Variants in NYAP2 observed in about 807,000 individuals in gnomAD.
The protein encoded by NYAP2 is neuronal tyrosine-phosphorylated phosphoinositide-3-kinase adaptor 2.
NYAP2 carries 23 observed loss-of-function variants against 50.4 expected under a neutral mutation model. The ratio of observed to expected loss-of-function variants is 0.46; its 90% CI spans 0.33 to 0.65. NYAP2 has a LOEUF of 0.65. NYAP2 is among the 30% of genes least tolerant of loss of function. The pLI, the probability that NYAP2 is intolerant of heterozygous loss-of-function variation, is 0.02. For missense variants in NYAP2, 885 were observed against 861.0 expected (o/e 1.03, Z -0.35); for synonymous variants, 394 against 365.2 (o/e 1.08, Z -0.90).
intron 3 of NYAP2, among the ~76,000 whole-genome samples, chr2:225,455,397 A>T (rs562289065): frequency 1.5e-3 from 235 of 152,328 alleles, no homozygotes; most frequent in African/African-American, 5.5e-3. Flanking sequence ...TCAGCTATAC[A>T]TTATCCACTA....
At chr2:225,580,803 T>C (rs1692258305) in intron 4 of NYAP2, among the ~76,000 whole-genome samples, 1 of 152,178 alleles carries the variant, frequency 6.6e-6, no homozygotes, top group Non-Finnish European at 1.5e-5. Context: ...TTTCCCGATT[T>C]GTGCCTTGAG....
chr2:225,427,900 A>G (rs895918657), intron 3 of NYAP2, among the ~76,000 whole-genome samples: 1 of 152,150 alleles, frequency 6.6e-6, no homozygotes, highest in African/African-American at 2.4e-5. Context: ...ATTTTATTCC[A>G]AAACAAAAAA....
At chr2:225,542,687 G>A (rs960310529) in intron 4 of NYAP2, among the ~76,000 whole-genome samples, 10 of 152,038 alleles carry the variant, frequency 6.6e-5, no homozygotes, top group Non-Finnish European at 1.3e-4. Flanking sequence ...TTTTGTTGAG[G>A]ATTTTTGCAT....
chr2:225,484,586 G>A (rs1470579686), intron 3 of NYAP2, among the ~76,000 whole-genome samples: 1 of 152,208 alleles, frequency 6.6e-6, no homozygotes, highest in Admixed American at 6.5e-5. Flanking sequence ...AGGCTAAGGA[G>A]CCACTGGCTT....
At chr2:225,601,800 A>G (rs1252364238) in intron 5 of NYAP2, among the ~76,000 whole-genome samples, 10 of 152,108 alleles carry the variant, frequency 6.6e-5, no homozygotes, top group South Asian at 6.2e-4. Flanking sequence ...CCCTTATCAG[A>G]TATAATATGA....
intron 3 of NYAP2, among the ~76,000 whole-genome samples, chr2:225,499,880 GA>G (rs2106176895): frequency 6.6e-6 from 1 of 152,294 alleles, no homozygotes; most frequent in Admixed American, 6.5e-5. Flanking sequence ...GAGGGATAGA[GA>G]GAAACAGAGA....
At chr2:225,665,285 G>C in the NYAP2 span, among the ~76,000 whole-genome samples, 2 of 151,632 alleles carry the variant, frequency 1.3e-5, no homozygotes, top group Non-Finnish European at 2.9e-5. Context: ...TTTAGCACTT[G>C]TTACATGCCC....
the NYAP2 span, among the ~76,000 whole-genome samples, chr2:225,697,092 C>A: frequency 6.6e-6 from 1 of 151,824 alleles, no homozygotes; most frequent in South Asian, 2.1e-4. Flanking sequence ...TGGAAGCTTC[C>A]ACAACCTAGC....
chr2:225,545,290 C>T (rs1691553948), intron 4 of NYAP2, among the ~76,000 whole-genome samples: 1 of 152,156 alleles, frequency 6.6e-6, no homozygotes, highest in Non-Finnish European at 1.5e-5. Flanking sequence ...TTATCTCTTT[C>T]TCTACGTCCT....
chr2:225,593,534 G>A (rs1692548128), intron 5 of NYAP2, among the ~76,000 whole-genome samples: 1 of 152,064 alleles, frequency 6.6e-6, no homozygotes, highest in East Asian at 1.9e-4. Flanking sequence ...TTTCTCCATG[G>A]TGTTTTTCTT....
chr2:225,410,780 A>T (rs1264924557), intron 3 of NYAP2, among the ~76,000 whole-genome samples: 1 of 152,080 alleles, frequency 6.6e-6, no homozygotes, highest in Non-Finnish European at 1.5e-5. Flanking sequence ...AAAATGGCTA[A>T]TTTTTAGGTG....
At chr2:225,604,065 C>A (rs769692516) in intron 5 of NYAP2, among the ~76,000 whole-genome samples, 6 of 151,908 alleles carry the variant, frequency 3.9e-5, no homozygotes, top group Non-Finnish European at 8.8e-5. Context: ...ATTTAATTCA[C>A]AAAAAATAAA....
At chr2:225,620,129 C>T (rs1693064581) in intron 5 of NYAP2, among the ~76,000 whole-genome samples, 1 of 152,152 alleles carries the variant, frequency 6.6e-6, no homozygotes, top group African/African-American at 2.4e-5. Flanking sequence ...TTACTAAAAT[C>T]AATTTTGTTT....
At chr2:225,549,967 A>G (rs1691643675) in intron 4 of NYAP2, among the ~76,000 whole-genome samples, 1 of 152,030 alleles carries the variant, frequency 6.6e-6, no homozygotes, top group Non-Finnish European at 1.5e-5. Flanking sequence ...CCTGGGCAAC[A>G]GAGTGAGACT....
At chr2:225,420,745 G>A (rs73099729) in intron 3 of NYAP2, among the ~76,000 whole-genome samples, 1,608 of 151,442 alleles carry the variant, frequency 0.011, 35 homozygotes, top group African/African-American at 0.037. Context: ...GGAGTAGCTC[G>A]GACTACATAT....
intron 2 of NYAP2, among the ~76,000 whole-genome samples, chr2:225,404,638 C>T (rs1425303690): frequency 6.6e-6 from 1 of 151,842 alleles, no homozygotes; most frequent in Non-Finnish European, 1.5e-5. Flanking sequence ...TGGAAAGTGT[C>T]ACAGTATTAT....
chr2:225,694,934 GGAGT>G, the NYAP2 span, among the ~76,000 whole-genome samples: 1 of 151,368 alleles, frequency 6.6e-6, no homozygotes, highest in Non-Finnish European at 1.5e-5. Flanking sequence ...TAAATATTAT[GGAGT>G]AAGTCTGAAA....
chr2:225,440,478 C>T (rs769127853), intron 3 of NYAP2, among the ~76,000 whole-genome samples: 3 of 152,146 alleles, frequency 2.0e-5, no homozygotes, highest in Non-Finnish European at 2.9e-5. Flanking sequence ...CTTGGAGAAG[C>T]ATTGTGGTTC....
At chr2:225,607,372 A>G (rs1344499028) in intron 5 of NYAP2, among the ~76,000 whole-genome samples, 3 of 152,084 alleles carry the variant, frequency 2.0e-5, no homozygotes. Flanking sequence ...CAGCATTACT[A>G]TGATGGGGGC....
Sources: gnomAD v4.1 joint callset for allele counts (sites outside exome capture counted in the v4.1 genomes callset) on GRCh38, gnomAD v4.1.1 for gene constraint, MANE v1.5 for transcripts, NCBI Gene and HGNC (gene_info 2026-07-23, HGNC 2026-07-21) for gene names.